Variants in NKAIN3 observed in about 807,000 individuals in gnomAD.
The protein encoded by NKAIN3 is sodium/potassium transporting ATPase interacting 3.
A neutral mutation model predicts 30.2 loss-of-function variants in NKAIN3; 25 were observed. That is an observed-to-expected ratio of 0.83 (90% confidence interval 0.60 to 1.16). The LOEUF is 1.16. NKAIN3 is among the 50% of genes most tolerant of loss of function. The pLI, the probability that NKAIN3 is intolerant of heterozygous loss-of-function variation, is 0.00. For synonymous variants in NKAIN3, 91 were observed against 89.6 expected, an observed-to-expected ratio of 1.02 and a Z score of -0.09; for missense variants, 225 against 254.1, an observed-to-expected ratio of 0.89 and a Z score of 0.78.
chr8:62,838,456 T>C (rs1192743549), intron 4 of NKAIN3, among the ~76,000 whole-genome samples: 1 of 152,036 alleles, frequency 6.6e-6, no homozygotes, highest in Non-Finnish European at 1.5e-5. Context: ...TAATTAAAAA[T>C]GGAAGATGCA....
chr8:62,551,226 G>T (rs1045699245), intron 1 of NKAIN3, among the ~76,000 whole-genome samples: 1 of 152,022 alleles, frequency 6.6e-6, no homozygotes, highest in African/African-American at 2.4e-5. Flanking sequence ...TAGATAAGAG[G>T]GAATGAAGAG....
chr8:62,635,738 A>G (rs1479924123), intron 3 of NKAIN3, among the ~76,000 whole-genome samples: 1 of 152,198 alleles, frequency 6.6e-6, no homozygotes. Context: ...ATGAACCTTC[A>G]TCTTGGACTT....
chr8:62,899,176 T>G (rs1403552179), intron 4 of NKAIN3, among the ~76,000 whole-genome samples: 1 of 152,174 alleles, frequency 6.6e-6, no homozygotes, highest in Non-Finnish European at 1.5e-5. Context: ...GTTTGGAGGT[T>G]TCTCAAAAAA....
intron 5 of NKAIN3, among the ~76,000 whole-genome samples, chr8:62,919,124 C>T (rs187626144): frequency 1.7e-3 from 260 of 150,480 alleles, no homozygotes; most frequent in Admixed American, 3.5e-3. Context: ...AGAGCTTTAG[C>T]ACCATAGGTC....
chr8:62,893,386 G>A (rs951658257), intron 4 of NKAIN3, among the ~76,000 whole-genome samples: 1 of 152,160 alleles, frequency 6.6e-6, no homozygotes, highest in African/African-American at 2.4e-5. Flanking sequence ...AATTTTTTAA[G>A]AGAAATGAAA....
chr8:62,994,439 T>A (rs1001721236), intron 5 of NKAIN3, among the ~76,000 whole-genome samples: 1 of 152,136 alleles, frequency 6.6e-6, no homozygotes, highest in African/African-American at 2.4e-5. Context: ...AGGAATGATG[T>A]AAAAGAAATC....
intron 1 of NKAIN3, among the ~76,000 whole-genome samples, chr8:62,447,754 C>T (rs1308270958): frequency 1.3e-5 from 2 of 151,978 alleles, no homozygotes; most frequent in Admixed American, 6.6e-5. Flanking sequence ...AATTAGATCC[C>T]CCCTTCCTTG....
chr8:62,410,564 G>T (rs773116629), intron 1 of NKAIN3, among the ~76,000 whole-genome samples: 1 of 151,874 alleles, frequency 6.6e-6, no homozygotes, highest in Non-Finnish European at 1.5e-5. Flanking sequence ...GTGAAACCAA[G>T]AATTGGTACT....
chr8:62,292,255 T>C (rs1049058360), intron 1 of NKAIN3, among the ~76,000 whole-genome samples: 3 of 152,216 alleles, frequency 2.0e-5, no homozygotes, highest in Non-Finnish European at 1.5e-5. Flanking sequence ...AATATTGTTA[T>C]GTGTGAATTT....
intron 3 of NKAIN3, among the ~76,000 whole-genome samples, chr8:62,611,820 G>A (rs1811302213): frequency 6.6e-6 from 1 of 152,048 alleles, no homozygotes; most frequent in Admixed American, 6.6e-5. Flanking sequence ...TGAGACTGCT[G>A]GATCATATGG....
chr8:62,994,498 C>T (rs114501422), intron 5 of NKAIN3, among the ~76,000 whole-genome samples: 47 of 152,342 alleles, frequency 3.1e-4, no homozygotes, highest in African/African-American at 1.1e-3. Flanking sequence ...CTAGGCACCA[C>T]AGATCAAGGA....
downstream of NKAIN3, among the ~76,000 whole-genome samples, chr8:62,986,596 T>C (rs578205463): frequency 3.3e-5 from 5 of 152,290 alleles, no homozygotes; most frequent in Admixed American, 3.3e-4. Flanking sequence ...AACTACAGAC[T>C]AGTATATATT....
chr8:62,804,485 G>A (rs1325465981), intron 4 of NKAIN3, among the ~76,000 whole-genome samples: 1 of 152,210 alleles, frequency 6.6e-6, no homozygotes, highest in Admixed American at 6.5e-5. Context: ...AGGATGCAAG[G>A]CTGGTTCAAT....
chr8:62,725,127 G>C (rs561467642), intron 3 of NKAIN3, among the ~76,000 whole-genome samples: 8 of 152,078 alleles, frequency 5.3e-5, no homozygotes, highest in Non-Finnish European at 1.2e-4. Context: ...TTTCTCTGAT[G>C]ATCAGTGATG....
intron 1 of NKAIN3, among the ~76,000 whole-genome samples, chr8:62,430,702 G>A (rs780535930): frequency 6.6e-6 from 1 of 151,602 alleles, no homozygotes; most frequent in Non-Finnish European, 1.5e-5. Context: ...ACTTTAATTG[G>A]GAATATGAGA....
At chr8:62,688,398 T>C (rs761926799) in intron 3 of NKAIN3, among the ~76,000 whole-genome samples, 6 of 152,190 alleles carry the variant, frequency 3.9e-5, no homozygotes, top group Non-Finnish European at 7.3e-5. Context: ...AAATACCTGG[T>C]ATACTGTTTG....
intron 1 of NKAIN3, among the ~76,000 whole-genome samples, chr8:62,414,619 G>A (rs763473783): frequency 3.9e-5 from 6 of 152,090 alleles, no homozygotes; most frequent in Admixed American, 1.3e-4. Context: ...CAATAAATAT[G>A]TCTTCAACTG....
At chr8:62,294,510 C>G (rs1219370790) in intron 1 of NKAIN3, among the ~76,000 whole-genome samples, 1 of 152,112 alleles carries the variant, frequency 6.6e-6, no homozygotes, top group African/African-American at 2.4e-5. Context: ...ACACCCTGCT[C>G]CATAGAGATT....
chr8:62,337,175 G>T (rs1815581269), intron 1 of NKAIN3, among the ~76,000 whole-genome samples: 1 of 152,014 alleles, frequency 6.6e-6, no homozygotes, highest in Non-Finnish European at 1.5e-5. Flanking sequence ...GCCTCATGAG[G>T]TGTAGGCCTA....
Sources: allele counts gnomAD v4.1 joint callset (sites outside exome capture counted in the v4.1 genomes callset), GRCh38; gene constraint gnomAD v4.1.1; transcripts MANE v1.5; gene names NCBI Gene and HGNC (gene_info 2026-07-23, HGNC 2026-07-21).